Variants in GPR161 observed in about 807,000 individuals in gnomAD.
GPR161 encodes the protein G-protein coupled receptor RE2.
A neutral mutation model predicts 39.2 loss-of-function variants in GPR161; 25 were observed. The ratio of observed to expected loss-of-function variants is 0.64; its 90% CI spans 0.47 to 0.89. The LOEUF is 0.89. Among genes scored for constraint, GPR161 ranks in the 40% least tolerant of loss-of-function variants. GPR161 has a pLI of 0.00. For synonymous variants in GPR161, 286 were observed against 276.6 expected (o/e 1.03, Z -0.34); for missense variants, 547 against 677.8 (o/e 0.81, Z 2.14).
intron 3 of GPR161, among the ~76,000 whole-genome samples, chr1:168,093,005 T>C (rs1346998814): frequency 6.6e-6 from 1 of 151,596 alleles, no homozygotes; most frequent in African/African-American, 2.4e-5. Flanking sequence ...CTGGCTGGAG[T>C]GAAGGTTCTG....
chr1:168,107,769 A>G (rs971241261), intron 1 of GPR161, among the ~76,000 whole-genome samples: 6 of 152,230 alleles, frequency 3.9e-5, no homozygotes, highest in Non-Finnish European at 2.9e-5. Flanking sequence ...AGAGAAATCC[A>G]TGTTAAAACT....
chr1:168,115,057 G>C (rs1006147200), intron 1 of GPR161, among the ~76,000 whole-genome samples: 11 of 152,070 alleles, frequency 7.2e-5, no homozygotes, highest in African/African-American at 2.7e-4. Flanking sequence ...TACGAACCCA[G>C]GGTTGTAGCA....
rs78420176 is a variant in GPR161 at position 168,084,686 on chromosome 1, A to G, written c.*845T>C. On this transcript the variant is annotated 3_prime_UTR_variant, in exon 6 of 6. Coordinates refer to ENST00000682931, the MANE Select transcript of GPR161 (RefSeq NM_001375883.1). ...CCATGTGAACAAATTCCCTTCCATA[A>G]TAACAGTTTCTCTATTTCCTGGCTG... 1,683 of 373,644 alleles carry G rather than the reference A, an allele frequency of 4.5e-3. 24 individuals are homozygous for G. Among genetic ancestry groups the G allele is most frequent in the African/African-American group, 0.033 (1,547 of 47,110 alleles). The allele number at this position is 373,644 out of a possible 1,614,324, so 23.1% of individuals were successfully genotyped here. A position where few individuals can be genotyped will look rare whatever the true frequency, so the allele number is the denominator to read the frequency against.
chr1:168,134,175 C>A (rs1699195812), intron 1 of GPR161, among the ~76,000 whole-genome samples: 1 of 152,138 alleles, frequency 6.6e-6, no homozygotes, highest in Non-Finnish European at 1.5e-5. Context: ...TTCTCTCACC[C>A]ATTGCTTGAG....
intron 1 of GPR161, 161 bp downstream of exon 1, chr1:168,136,578 C>G: frequency 8.1e-7 from 1 of 1,240,078 alleles, no homozygotes; most frequent in Non-Finnish European, 1.0e-6. Flanking sequence ...ACAGCCCTGA[C>G]CTCCGAGAGG....
intron 3 of GPR161, among the ~76,000 whole-genome samples, chr1:168,094,203 C>A (rs575696852): frequency 5.2e-4 from 79 of 152,196 alleles, no homozygotes; most frequent in Non-Finnish European, 9.7e-4. Flanking sequence ...TCTACGAACC[C>A]TTTCCTGCTC....
chr1:168,109,273 A>C (rs1696911413), intron 1 of GPR161, among the ~76,000 whole-genome samples: 1 of 152,242 alleles, frequency 6.6e-6, no homozygotes, highest in Non-Finnish European at 1.5e-5. Flanking sequence ...GAAAAGCTGG[A>C]TTAAATATAA....
intron 1 of GPR161, among the ~76,000 whole-genome samples, chr1:168,110,681 T>C (rs1697093600): frequency 6.6e-6 from 1 of 152,012 alleles, no homozygotes; most frequent in South Asian, 2.1e-4. Flanking sequence ...CCCAGCACTT[T>C]GGGAGGCTGA....
At chr1:168,113,050 C>T (rs1171886150) in intron 1 of GPR161, among the ~76,000 whole-genome samples, 1 of 152,196 alleles carries the variant, frequency 6.6e-6, no homozygotes, top group African/African-American at 2.4e-5. Flanking sequence ...GCAAATCCCT[C>T]AGGGTGTATC....
At chr1:168,104,942 C>G in intron 1 of GPR161, 48 bp from the exon 2 acceptor site, 1 of 1,430,226 alleles carries the variant, frequency 7.0e-7, no homozygotes, top group Non-Finnish European at 9.6e-7. Context: ...TTCATCAAAT[C>G]ACATCGTCTC....
intron 5 of GPR161, 23 bp downstream of exon 5, chr1:168,087,562 A>G (rs1314800020): frequency 6.2e-7 from 1 of 1,613,676 alleles, no homozygotes; most frequent in South Asian, 1.1e-5. Context: ...GTTTTCTTGA[A>G]GCAATCAGTC....
At position 168,096,971 on chromosome 1, in the gene GPR161, G is replaced by C; in HGVS notation, c.636C>G (p.Phe212Leu). 6.2e-7 allele frequency: 1 copy of C among 1,614,168 alleles called. No individual in the cohort carries two copies. The change falls in exon 3 of 6, where the codon TTC (phenylalanine) becomes TTG (leucine). Residue 212 changes from phenylalanine to leucine, a missense_variant. By Grantham distance (22) the Phe-to-Leu change is conservative. Coordinates refer to ENST00000682931, the MANE Select transcript of GPR161 (RefSeq NM_001375883.1). ...LVMLVCYGFI[F>L]RVARVKARKV... ...TGCGTGCCTTGACCCTGGCCACGCG[G>C]AAGATGAAGCCATAGCACACCAGCA... is the stretch of plus-strand genomic sequence containing the variant.
At chr1:168,115,462 G>A (rs1697542624) in intron 1 of GPR161, among the ~76,000 whole-genome samples, 1 of 151,882 alleles carries the variant, frequency 6.6e-6, no homozygotes, top group Non-Finnish European at 1.5e-5. Flanking sequence ...GGGCTCCTGG[G>A]CCCTAGGAAG....
chr1:168,136,523 C>G, intron 1 of GPR161: 2 of 1,260,692 alleles, frequency 1.6e-6, no homozygotes, highest in Non-Finnish European at 2.0e-6. Context: ...CATCTTCCCA[C>G]AAAGAGCTCC....
In GPR161 at chr1:168,087,637, TG is replaced by T. The variant is rs756688562; in HGVS notation, c.1271del (p.Pro424HisfsTer8). ...DDNPPSHCTC[P>X]PKRRSSVTFE... ...ATGTCACCGAGCTCCTTCTCTTGGG[TG>T]GGCAAGTGCAGTGAGAGGGAGGGTT... On this transcript the variant is annotated frameshift_variant, in exon 5 of 6. Transcript: ENST00000682931. LOFTEE classifies it high-confidence loss of function. 1.2e-6 allele frequency: 2 copies of T among 1,614,050 alleles called. No individual in the cohort carries two copies. Among genetic ancestry groups the T allele is most frequent in the Admixed American group, 3.3e-5 (2 of 60,006 alleles).
intron 1 of GPR161, among the ~76,000 whole-genome samples, chr1:168,125,957 C>G (rs1163473834): frequency 3.3e-5 from 5 of 152,206 alleles, no homozygotes; most frequent in Non-Finnish European, 7.3e-5. Flanking sequence ...GACACATCCT[C>G]TAAGTCAGGC....
At chr1:168,100,290 C>G (rs1193958582) in intron 2 of GPR161, among the ~76,000 whole-genome samples, 1 of 149,878 alleles carries the variant, frequency 6.7e-6, no homozygotes, top group African/African-American at 2.5e-5. Flanking sequence ...TGTTCTCAAT[C>G]ACAGATTTAT....
chr1:168,137,114 C>T, upstream of GPR161: 1 of 1,096,752 alleles, frequency 9.1e-7, no homozygotes, highest in Non-Finnish European at 1.1e-6. Flanking sequence ...TGCTTCTTTC[C>T]CATTTCTTCC....
At chr1:168,087,495 G>A (rs568649158) in intron 5 of GPR161, 90 bp downstream of exon 5, 60 of 1,472,446 alleles carry the variant, frequency 4.1e-5, no homozygotes, top group Admixed American at 1.7e-4. Context: ...GATATATTCC[G>A]GGATGGGAGC....
Sources: allele counts gnomAD v4.1 joint callset (sites outside exome capture counted in the v4.1 genomes callset), GRCh38; gene constraint gnomAD v4.1.1; transcripts MANE v1.5; gene names NCBI Gene and HGNC (gene_info 2026-07-23, HGNC 2026-07-21).